Variants in CLMP observed in about 807,000 individuals in gnomAD.
The protein encoded by CLMP is CXADR-like membrane protein.
A neutral mutation model predicts 45.2 loss-of-function variants in CLMP; 27 were observed. The observed-to-expected ratio is 0.60, with a 90% CI of 0.44 to 0.82. The LOEUF (loss-of-function observed/expected upper bound fraction) is 0.82. Ranked by LOEUF, CLMP falls within the 40% of genes least tolerant of loss-of-function variation. CLMP has a pLI of 0.00. For missense variants in CLMP, 403 were observed against 448.4 expected (o/e 0.90, Z 0.91); for synonymous variants, 167 against 171.4 (o/e 0.97, Z 0.20).
At position 123,143,475 on chromosome 11, in the gene CLMP, G is replaced by T. The variant is rs904531263; in HGVS notation, c.29-45523C>A. Among the ~76,000 whole-genome samples, 65 of 151,330 alleles carry T rather than the reference G, an allele frequency of 4.3e-4. 1 individual carries two copies. Among genetic ancestry groups the T allele is most frequent in the Non-Finnish European group, 1.2e-4 (8 of 67,904 alleles). Reference sequence around the variant, plus strand: ...GCAGCAGACTGGAATTAGAAGTACTGCCAGCCTTGAAGAAGTTAGCTGCCA... The same window carrying T: ...GCAGCAGACTGGAATTAGAAGTACTTCCAGCCTTGAAGAAGTTAGCTGCCA... On this transcript the variant is annotated intron_variant, in intron 1 of 6. Coordinates refer to ENST00000448775, the MANE Select transcript of CLMP (RefSeq NM_024769.5).
At chr11:123,116,981 A>G (rs143315435) in intron 1 of CLMP, among the ~76,000 whole-genome samples, 3,672 of 151,988 alleles carry the variant, frequency 0.024, 156 homozygotes, top group African/African-American at 0.083. Flanking sequence ...AGGCATGGTA[A>G]CTCACACCTG....
chr11:123,120,854 C>T (rs1247165221), intron 1 of CLMP, among the ~76,000 whole-genome samples: 2 of 151,904 alleles, frequency 1.3e-5, no homozygotes, highest in Non-Finnish European at 2.9e-5. Context: ...GGGCCGGGCG[C>T]GGTGGCTCAC....
chr11:123,195,091 C>A lies in CLMP; in HGVS notation c.-151G>T, dbSNP rs1861963914. 1 of 536,022 alleles carries A rather than the reference C, an allele frequency of 1.9e-6. No homozygotes were observed. The allele number at this position is 536,022 out of a possible 1,614,324, so 33.2% of individuals were successfully genotyped here. A position where few individuals can be genotyped will look rare whatever the true frequency, so the allele number is the denominator to read the frequency against. On this transcript the variant is annotated 5_prime_UTR_variant, in exon 1 of 7. Transcript: ENST00000448775. ...CCATGTGCCGGGCGGGAGCCGGCCC[C>A]GCGCCCCGTGCCCCTGGGGGCAGAT...
chr11:123,160,427 C>T (rs770236816), intron 1 of CLMP, among the ~76,000 whole-genome samples: 3 of 151,914 alleles, frequency 2.0e-5, no homozygotes, highest in African/African-American at 4.8e-5. Flanking sequence ...GTCTTCACTG[C>T]ACTTATTAAT....
At chr11:123,143,948 A>G (rs953701074) in intron 1 of CLMP, among the ~76,000 whole-genome samples, 4 of 152,078 alleles carry the variant, frequency 2.6e-5, no homozygotes, top group Non-Finnish European at 5.9e-5. Context: ...AGCAGGGACT[A>G]CAGGTGTGCA....
intron 1 of CLMP, among the ~76,000 whole-genome samples, chr11:123,154,357 C>T (rs1419557160): frequency 1.3e-5 from 2 of 152,180 alleles, no homozygotes; most frequent in East Asian, 1.9e-4. Flanking sequence ...AACCTATAGG[C>T]ACATTGGCTG....
At chr11:123,095,069 A>G (rs936738875) in intron 2 of CLMP, among the ~76,000 whole-genome samples, 2 of 152,238 alleles carry the variant, frequency 1.3e-5, no homozygotes, top group African/African-American at 4.8e-5. Flanking sequence ...TGTAATCTGA[A>G]TGATTGAATA....
Position 123,181,520 on chromosome 11 carries a change from C to T in CLMP, c.28+13393G>A, listed in dbSNP as rs193170273. On this transcript the variant is annotated intron_variant, in intron 1 of 6. Coordinates refer to ENST00000448775, the MANE Select transcript of CLMP (RefSeq NM_024769.5). ...ACTTTTGTTTCACTTATTATCTCTA[C>T]CAAACATTTTGGCAATGAATTCCAT... 6.8e-3 allele frequency among the ~76,000 whole-genome samples: 1,041 copies of T among 152,324 alleles called. 5 individuals are homozygous for T. Among genetic ancestry groups the T allele is most frequent in the Non-Finnish European group, 9.6e-3 (653 of 68,032 alleles).
rs146507646 is a variant in CLMP at position 123,118,667 on chromosome 11, C to T, written c.29-20715G>A. ...ATTAAAGTGGCAAGAATAGACCTGGCATTGCAATTTGGCTCCGACACCCAG... is the reference window on the plus strand; with the variant it reads ...ATTAAAGTGGCAAGAATAGACCTGGTATTGCAATTTGGCTCCGACACCCAG... On this transcript the variant is annotated intron_variant, in intron 1 of 6. Transcript: ENST00000448775. Among the ~76,000 whole-genome samples, 332 of 152,242 alleles carry T rather than the reference C, an allele frequency of 2.2e-3. 2 individuals carry two copies. The highest frequency in any genetic ancestry group is 0.01 in the South Asian group (50 of 4,818).
intron 1 of CLMP, among the ~76,000 whole-genome samples, chr11:123,113,740 T>A (rs1591463428): frequency 6.6e-6 from 1 of 152,142 alleles, no homozygotes; most frequent in East Asian, 1.9e-4. Flanking sequence ...TATTTGGGAG[T>A]AATGTTTTGT....
chr11:123,161,567 T>G (rs1861487931), intron 1 of CLMP, among the ~76,000 whole-genome samples: 1 of 152,060 alleles, frequency 6.6e-6, no homozygotes, highest in Non-Finnish European at 1.5e-5. Flanking sequence ...TACCAGCTAC[T>G]TGGGTAGCTG....
chr11:123,084,443 G>A (rs1865840942), intron 3 of CLMP, 69 bp downstream of exon 3: 2 of 1,254,064 alleles, frequency 1.6e-6, no homozygotes, highest in Admixed American at 1.7e-5. Flanking sequence ...CCACCGTGAT[G>A]CATATGGCTA....
intron 1 of CLMP, among the ~76,000 whole-genome samples, chr11:123,106,205 C>A (rs747423858): frequency 3.0e-4 from 46 of 150,994 alleles, no homozygotes; most frequent in Non-Finnish European, 5.8e-4. Flanking sequence ...CAAGATAATT[C>A]TTCTTCTTCC....
intron 2 of CLMP, among the ~76,000 whole-genome samples, chr11:123,095,721 C>T (rs778769235): frequency 2.3e-4 from 35 of 152,098 alleles, no homozygotes; most frequent in Middle Eastern, 3.2e-3. Context: ...CATGAAATTA[C>T]TAAGAGGGAA....
At chr11:123,156,098 C>A (rs1157068095) in intron 1 of CLMP, among the ~76,000 whole-genome samples, 1 of 152,066 alleles carries the variant, frequency 6.6e-6, no homozygotes, top group Non-Finnish European at 1.5e-5. Flanking sequence ...GGGTGGGGCC[C>A]TGATCCAATA....
At chr11:123,078,302 A>C (rs1865763197) in intron 5 of CLMP, among the ~76,000 whole-genome samples, 1 of 152,228 alleles carries the variant, frequency 6.6e-6, no homozygotes, top group Non-Finnish European at 1.5e-5. Context: ...AGCTATAAGC[A>C]ACAACAATGA....
At chr11:123,137,343 C>T (rs1044946706) in intron 1 of CLMP, among the ~76,000 whole-genome samples, 3 of 148,708 alleles carry the variant, frequency 2.0e-5, no homozygotes, top group Admixed American at 6.8e-5. Context: ...TTAGTAGAGA[C>T]GGGGTAGACC....
intron 2 of CLMP, among the ~76,000 whole-genome samples, chr11:123,097,521 G>C (rs184480158): frequency 6.6e-6 from 1 of 151,934 alleles, no homozygotes; most frequent in Non-Finnish European, 1.5e-5. Flanking sequence ...TAGAGACAAG[G>C]TTTCACCATG....
chr11:123,102,202 T>C (rs1430998167), intron 1 of CLMP, among the ~76,000 whole-genome samples: 1 of 150,696 alleles, frequency 6.6e-6, no homozygotes, highest in Non-Finnish European at 1.5e-5. Context: ...AAAAATAAGA[T>C]ATGCAACTTC....
Sources: gnomAD v4.1 joint callset for allele counts (sites outside exome capture counted in the v4.1 genomes callset) on GRCh38, gnomAD v4.1.1 for gene constraint, MANE v1.5 for transcripts, NCBI Gene and HGNC (gene_info 2026-07-23, HGNC 2026-07-21) for gene names.